Variants in RUNDC1 observed in about 807,000 individuals in gnomAD.
The protein encoded by RUNDC1 is RUN domain containing 1.
In RUNDC1, 31 loss-of-function variants were observed where a neutral mutation model predicts 49.3. The ratio of observed to expected loss-of-function variants is 0.63; its 90% CI spans 0.47 to 0.85. The LOEUF (loss-of-function observed/expected upper bound fraction) is 0.85. Among genes scored for constraint, RUNDC1 ranks in the 40% least tolerant of loss-of-function variants. RUNDC1 has a pLI of 0.00. For synonymous variants in RUNDC1, 347 were observed against 348.6 expected (o/e 1.00, Z 0.05); for missense variants, 715 against 806.7 (o/e 0.89, Z 1.38).
chr17:42,980,873 G>A lies in RUNDC1; in HGVS notation c.297G>A (p.Ser99=). 6.7e-7 allele frequency: 1 copy of A among 1,491,488 alleles called. No homozygotes were observed. Among genetic ancestry groups the A allele is most frequent in the South Asian group, 1.3e-5 (1 of 79,534 alleles). The allele number at this position is 1,491,488 out of a possible 1,614,324, so 92.4% of individuals were successfully genotyped here. The change falls in exon 1 of 5, where the codon TCG becomes TCA. Residue 99 remains serine (S), a synonymous_variant. Transcript: ENST00000361677. The stretch of plus-strand genomic sequence containing the variant: ...ACTCGGCGCTGCTGGCGCTGTCCTC[G>A]CACTTCGCGCAGGTGCAGTTCCGCC... ...RLDSALLALS[S]HFAQVQFRLR...
rs139713888 is a variant in RUNDC1, at chr17:42,991,173, T to C, written c.1299T>C (p.Ala433=). 2 of 1,614,092 alleles carry C rather than the reference T, an allele frequency of 1.2e-6. No homozygotes were observed. The highest frequency in any genetic ancestry group is 1.7e-6 in the Non-Finnish European group (2 of 1,180,046). The change falls in exon 5 of 5, where the codon GCT becomes GCC. Residue 433 remains alanine, a synonymous_variant. Coordinates refer to ENST00000361677, the MANE Select transcript of RUNDC1 (RefSeq NM_173079.5). Reference sequence around the variant, plus strand: ...CTGTGCGGAAGGAGCTAACGGTGGCTGTGAGGGACCTGCTGGCCCATGGAC... The same window carrying C: ...CTGTGCGGAAGGAGCTAACGGTGGCCGTGAGGGACCTGCTGGCCCATGGAC... ...TMAVRKELTV[A]VRDLLAHGLY... is the part of the protein sequence containing the mutation.
chr17:42,980,958 G>T lies in RUNDC1; in HGVS notation c.382G>T (p.Asp128Tyr). The change falls in exon 1 of 5, where the codon GAC (aspartate) becomes TAC (tyrosine). Residue 128 changes from aspartate (D) to tyrosine (Y), a missense_variant. Coordinates refer to ENST00000361677, the MANE Select transcript of RUNDC1 (RefSeq NM_173079.5). ...EQQRLLRELE[D>Y]FAFRGCPHVL... Reference sequence around the variant, plus strand: ...GCAGCGCCTTCTGCGGGAGCTCGAAGACTTCGCCTTCCGCGGCTGCCCTCA... The same window carrying T: ...GCAGCGCCTTCTGCGGGAGCTCGAATACTTCGCCTTCCGCGGCTGCCCTCA... 1 of 1,542,264 alleles carries T rather than the reference G, an allele frequency of 6.5e-7. No homozygotes were observed. Among genetic ancestry groups the T allele is most frequent in the Non-Finnish European group, 8.7e-7 (1 of 1,150,412 alleles).
intron 1 of RUNDC1, among the ~76,000 whole-genome samples, chr17:42,984,829 C>T (rs1050685926): frequency 1.5e-4 from 23 of 150,942 alleles, no homozygotes; most frequent in Non-Finnish European, 3.4e-4. Context: ...AGACAACTTT[C>T]TCCACTCAGA....
intron 4 of RUNDC1, 88 bp from the exon 5 acceptor site, chr17:42,990,763 C>A: frequency 1.4e-6 from 2 of 1,475,794 alleles, no homozygotes; most frequent in African/African-American, 1.4e-5. Flanking sequence ...CAGCATGTGG[C>A]TCAGACTGAT....
At position 42,991,101 on chromosome 17, in the gene RUNDC1, C is replaced by T. The variant is rs772848822; in HGVS notation, c.1227C>T (p.Ala409=). The T allele has an allele frequency of 3.1e-6, 5 of 1,614,210 alleles. No individual in the cohort carries two copies. In the East Asian group the frequency reaches 1.1e-4, roughly 36 times the overall value. Residue 409 remains alanine, a synonymous_variant, in exon 5 of 5, where the codon GCC becomes GCT. Coordinates refer to ENST00000361677, the MANE Select transcript of RUNDC1 (RefSeq NM_173079.5). ...CACATGACCATGTCATCACCTCTGC[C>T]AACCTCCAGGACCTCTCTCTGGGAG... ...QQPHDHVITS[A]NLQDLSLGGK...
chr17:42,986,703 G>C (rs893549888), intron 1 of RUNDC1, among the ~76,000 whole-genome samples: 1 of 151,692 alleles, frequency 6.6e-6, no homozygotes, highest in Non-Finnish European at 1.5e-5. Context: ...GGGTTTTACT[G>C]TGTTAGCCAG....
Position 42,992,240 on chromosome 17 carries a change from C to T in RUNDC1, c.*524C>T, listed in dbSNP as rs2050254285. On this transcript the variant is annotated 3_prime_UTR_variant, in exon 5 of 5. Coordinates refer to ENST00000361677, the MANE Select transcript of RUNDC1 (RefSeq NM_173079.5). ...AAAAAAAAAAAGAAGGTTGTACCCA[C>T]AGTATACGTGTGGGCACTTGTGCTT... The T allele has an allele frequency of 6.3e-6, 1 of 159,956 alleles. No individual in the cohort carries two copies. 9.9% of individuals were successfully genotyped at this position (159,956 alleles called of 1,614,324 possible).
intron 2 of RUNDC1, 50 bp from the exon 3 acceptor site, chr17:42,989,291 C>G (rs771627912): frequency 2.2e-6 from 3 of 1,394,248 alleles, no homozygotes; most frequent in East Asian, 4.6e-5. Context: ...CTTCCTAACC[C>G]TCTCCCTAAA....
At chr17:42,990,527 G>A in intron 4 of RUNDC1, 91 bp downstream of exon 4, 1 of 1,307,016 alleles carries the variant, frequency 7.7e-7, no homozygotes, top group Non-Finnish European at 1.1e-6. Flanking sequence ...GAGAAGAGGG[G>A]AATGAGAAAT....
At position 42,980,996 on chromosome 17, in the gene RUNDC1, C is replaced by G; in HGVS notation, c.420C>G (p.Tyr140Ter). ...GCGGCTGCCCTCACGTCCTAGGTTA[C>G]GAAGGGCCCGGCGACCCCGCCAGCG... The part of the protein sequence containing the change: ...AFRGCPHVLG[Y>*]EGPGDPASDE... The change falls in exon 1 of 5, where the codon TAC becomes TAG. Residue 140 changes from tyrosine to a stop codon, truncating the protein, a stop_gained. Transcript: ENST00000361677. LOFTEE classifies it high-confidence loss of function. The G allele has an allele frequency of 6.5e-7, 1 of 1,545,984 alleles. No homozygotes were observed. The highest frequency in any genetic ancestry group is 8.7e-7 in the Non-Finnish European group (1 of 1,152,080).
At position 42,992,953 on chromosome 17, in the gene RUNDC1, C is replaced by G. The variant is rs964622514; in HGVS notation, c.*1237C>G. The G allele has an allele frequency of 2.0e-5, 3 of 152,194 alleles. No individual in the cohort carries two copies. Among genetic ancestry groups the G allele is most frequent in the Non-Finnish European group, 4.4e-5 (3 of 68,042 alleles). 9.4% of individuals were successfully genotyped at this position (152,194 alleles called of 1,614,324 possible). ...CTATGTTCTCCAGCAAGTAAACATT[C>G]CTCTGCTCACCTCCCAACAAGACTA... On this transcript the variant is annotated 3_prime_UTR_variant, in exon 5 of 5. Coordinates refer to ENST00000361677, the MANE Select transcript of RUNDC1 (RefSeq NM_173079.5).
chr17:42,981,385 G>GC (rs1345065128), intron 1 of RUNDC1: 2 of 358,848 alleles, frequency 5.6e-6, no homozygotes, highest in Admixed American at 4.8e-5. Flanking sequence ...GAGCAGTGCT[G>GC]CGCCCACTCA....
chr17:42,981,668 G>GAATTTTTCCTTTTTAA (rs2050091388), intron 1 of RUNDC1: 1 of 152,224 alleles, frequency 6.6e-6, no homozygotes, highest in African/African-American at 2.4e-5. Flanking sequence ...TTTAAGAGAC[G>GAATTTTTCCTTTTTAA]GGAGGGTCTT....
chr17:42,981,587 AGGG>A (rs2050089219), intron 1 of RUNDC1: 1 of 153,570 alleles, frequency 6.5e-6, no homozygotes, highest in Admixed American at 6.5e-5. Flanking sequence ...GATTAACAGC[AGGG>A]TCTCTTAGTA....
In RUNDC1 at chr17:42,991,615, G is replaced by GA. The variant is rs1491070002; in HGVS notation, c.1742dup (p.Ser582GlufsTer15). The GA allele has an allele frequency of 6.2e-7, 1 of 1,614,170 alleles. No homozygotes were observed. The highest frequency in any genetic ancestry group is 1.7e-5 in the Admixed American group (1 of 60,010). On this transcript the variant is annotated frameshift_variant, in exon 5 of 5. Coordinates refer to ENST00000361677, the MANE Select transcript of RUNDC1 (RefSeq NM_173079.5). LOFTEE classifies it high-confidence loss of function. ...GAGCTACATGGCACACACAGGCTTT[G>GA]AGAGTGCCCTCAACCTGCTCAGTCG...
intron 2 of RUNDC1, among the ~76,000 whole-genome samples, chr17:42,988,567 T>G (rs2050199942): frequency 6.6e-6 from 1 of 152,206 alleles, no homozygotes; most frequent in South Asian, 2.1e-4. Context: ...ATCAGAATTT[T>G]AAATTGTTCC....
chr17:42,981,000 G>C lies in RUNDC1; in HGVS notation c.424G>C (p.Gly142Arg). The change falls in exon 1 of 5, where the codon GGG becomes CGG. Residue 142 changes from glycine (G) to arginine (R), a missense_variant. Coordinates refer to ENST00000361677, the MANE Select transcript of RUNDC1 (RefSeq NM_173079.5). ...CTGCCCTCACGTCCTAGGTTACGAA[G>C]GGCCCGGCGACCCCGCCAGCGATGA... is the stretch of plus-strand genomic sequence containing the variant. Reference protein sequence around the residue: ...RGCPHVLGYEGPGDPASDEGD... With the variant: ...RGCPHVLGYERPGDPASDEGD... 1.3e-6 allele frequency: 2 copies of C among 1,546,268 alleles called. No homozygotes were observed. The highest frequency in any genetic ancestry group is 4.8e-5 in the East Asian group (2 of 41,392).
chr17:42,990,063 G>A (rs1324413205), intron 3 of RUNDC1, among the ~76,000 whole-genome samples: 1 of 152,120 alleles, frequency 6.6e-6, no homozygotes, highest in Admixed American at 6.6e-5. Flanking sequence ...CATACTCATT[G>A]GTTTTATGTC....
chr17:42,991,428 A>C lies in RUNDC1; in HGVS notation c.1554A>C (p.Thr518=). 1 of 1,614,238 alleles carries C rather than the reference A, an allele frequency of 6.2e-7. No homozygotes were observed. Among genetic ancestry groups the C allele is most frequent in the Non-Finnish European group, 8.5e-7 (1 of 1,180,028 alleles). Residue 518 remains threonine, a synonymous_variant, in exon 5 of 5, where the codon ACA becomes ACC. Coordinates refer to ENST00000361677, the MANE Select transcript of RUNDC1 (RefSeq NM_173079.5). ...TCACCCCCAAACAGAGCCTACTGAC[A>C]GCCATCCACATGGTGCTGACAGAGC... is the stretch of plus-strand genomic sequence containing the variant. ...TVVTPKQSLL[T]AIHMVLTEHD...
Sources: allele counts gnomAD v4.1 joint callset (sites outside exome capture counted in the v4.1 genomes callset), GRCh38; gene constraint gnomAD v4.1.1; transcripts MANE v1.5; gene names NCBI Gene and HGNC (gene_info 2026-07-23, HGNC 2026-07-21).